The following KLF12 variants were observed in gnomAD, a reference collection of about 807,000 sequenced individuals.
The protein encoded by KLF12 is Krueppel-like factor 12.
Under a neutral mutation model 37.8 loss-of-function variants are expected in KLF12, and 9 were observed. The ratio of observed to expected loss-of-function variants is 0.24; its 90% CI spans 0.14 to 0.42. The LOEUF is 0.42. KLF12 is among the 10% of genes least tolerant of loss of function. The probability of loss-of-function intolerance (pLI) is 1.00; values close to 1 mark genes in which losing one functional copy is unlikely to be tolerated. For synonymous variants in KLF12, 208 were observed against 202.1 expected (o/e 1.03, Z -0.25); for missense variants, 411 against 516.0 (o/e 0.80, Z 1.97).
intron 4 of KLF12, among the ~76,000 whole-genome samples, chr13:73,815,921 T>C (rs1883190342): frequency 6.6e-6 from 1 of 152,248 alleles, no homozygotes; most frequent in Non-Finnish European, 1.5e-5. Context: ...ATGTTATGTT[T>C]GTATCTTAAT....
chr13:73,925,322 C>T (rs1429186272), intron 3 of KLF12, among the ~76,000 whole-genome samples: 1 of 152,148 alleles, frequency 6.6e-6, no homozygotes, highest in African/African-American at 2.4e-5. Flanking sequence ...AAATTGAAGC[C>T]AGTGCACATT....
intron 5 of KLF12, among the ~76,000 whole-genome samples, chr13:73,768,510 CAA>C (rs1416747103): frequency 2.0e-5 from 3 of 151,712 alleles, no homozygotes; most frequent in Non-Finnish European, 4.4e-5. Flanking sequence ...TAATACAAAC[CAA>C]AAACTATGGC....
At chr13:74,279,544 G>A in the KLF12 span, among the ~76,000 whole-genome samples, 2 of 146,832 alleles carry the variant, frequency 1.4e-5, no homozygotes, top group African/African-American at 2.5e-5. Flanking sequence ...AGTCATAAGT[G>A]CTCTTTGAGG....
chr13:73,972,800 T>C (rs566097831), intron 2 of KLF12, among the ~76,000 whole-genome samples: 1 of 151,436 alleles, frequency 6.6e-6, no homozygotes, highest in South Asian at 2.1e-4. Flanking sequence ...TGTGTGTGTT[T>C]TGCCCGTGTG....
the KLF12 span, among the ~76,000 whole-genome samples, chr13:74,182,394 A>G: frequency 6.6e-6 from 1 of 152,238 alleles, no homozygotes; most frequent in African/African-American, 2.4e-5. Flanking sequence ...ATTAGAGGAC[A>G]AACTGATTGC....
At chr13:74,053,974 A>G (rs995869160) in intron 1 of KLF12, among the ~76,000 whole-genome samples, 2 of 152,166 alleles carry the variant, frequency 1.3e-5, no homozygotes, top group Non-Finnish European at 2.9e-5. Flanking sequence ...ATTTAGAGGC[A>G]TATTTCTTAG....
chr13:74,264,227 C>T, the KLF12 span, among the ~76,000 whole-genome samples: 1 of 152,112 alleles, frequency 6.6e-6, no homozygotes, highest in Non-Finnish European at 1.5e-5. Context: ...GTGTGAGGGG[C>T]TGCTGTTAGA....
At chr13:73,741,145 C>G (rs1426524366) in intron 6 of KLF12, among the ~76,000 whole-genome samples, 1 of 152,122 alleles carries the variant, frequency 6.6e-6, no homozygotes, top group Non-Finnish European at 1.5e-5. Context: ...TACAATTCAT[C>G]CTGACAATGT....
chr13:73,995,504 A>G (rs7987699), intron 1 of KLF12, among the ~76,000 whole-genome samples: 11,264 of 152,238 alleles, frequency 0.074, 628 homozygotes, highest in African/African-American at 0.16. Flanking sequence ...AAGTAATGTC[A>G]TTTCATTGGG....
At chr13:74,218,675 C>T in the KLF12 span, among the ~76,000 whole-genome samples, 9 of 152,130 alleles carry the variant, frequency 5.9e-5, no homozygotes, top group Admixed American at 5.2e-4. Context: ...TTGACCTACA[C>T]AGGAAACAAA....
At chr13:74,202,144 G>A in the KLF12 span, among the ~76,000 whole-genome samples, 1 of 152,118 alleles carries the variant, frequency 6.6e-6, no homozygotes, top group African/African-American at 2.4e-5. Context: ...AGATCTTAAA[G>A]GTCTTTTGTA....
intron 3 of KLF12, among the ~76,000 whole-genome samples, chr13:73,921,029 G>C (rs1252717748): frequency 7.9e-5 from 12 of 152,086 alleles, no homozygotes. Context: ...TAGGAAAGGA[G>C]AGAGAGCAGA....
rs1343300502 is a variant in KLF12, at chr13:73,695,156, T to C, written c.*334A>G. ...CCATCAATTTGTGGTAGGTGACCTT[T>C]AAGGTATCAATAACAAAATGTCTGA... On this transcript the variant is annotated 3_prime_UTR_variant, in exon 8 of 8. Transcript: ENST00000377669. 8.0e-6 allele frequency: 2 copies of C among 251,016 alleles called. No individual in the cohort carries two copies. Among genetic ancestry groups the C allele is most frequent in the Non-Finnish European group, 1.5e-5 (2 of 129,612 alleles). The allele number at this position is 251,016 out of a possible 1,614,324, so 15.5% of individuals were successfully genotyped here.
At chr13:73,824,209 C>T (rs1348678077) in intron 4 of KLF12, among the ~76,000 whole-genome samples, 1 of 152,084 alleles carries the variant, frequency 6.6e-6, no homozygotes, top group South Asian at 2.1e-4. Context: ...TTTCCACCCA[C>T]ACTTCACAAG....
At chr13:74,016,458 C>T (rs1372206580) in intron 1 of KLF12, among the ~76,000 whole-genome samples, 11 of 152,208 alleles carry the variant, frequency 7.2e-5, no homozygotes, top group Admixed American at 5.9e-4. Flanking sequence ...AACTCCTGGG[C>T]TCAAGCCATC....
chr13:74,217,828 T>C, the KLF12 span, among the ~76,000 whole-genome samples: 2 of 152,248 alleles, frequency 1.3e-5, no homozygotes, highest in South Asian at 2.1e-4. Flanking sequence ...TGTATTCATA[T>C]GCTAGATATT....
At chr13:73,897,304 C>T (rs2139059704) in intron 3 of KLF12, among the ~76,000 whole-genome samples, 1 of 152,258 alleles carries the variant, frequency 6.6e-6, no homozygotes, top group South Asian at 2.1e-4. Flanking sequence ...AATGAACTAA[C>T]AGCTTTGGTA....
At chr13:74,300,227 A>AT in the KLF12 span, among the ~76,000 whole-genome samples, 1 of 150,296 alleles carries the variant, frequency 6.7e-6, no homozygotes, top group East Asian at 2.0e-4. Context: ...ATCCTTGATA[A>AT]TAAAAAAAAG....
At chr13:74,214,505 C>T in the KLF12 span, among the ~76,000 whole-genome samples, 23 of 152,262 alleles carry the variant, frequency 1.5e-4, no homozygotes, top group East Asian at 4.4e-3. Flanking sequence ...GATAGTTTGA[C>T]ATTGATTGAT....
Sources: gnomAD v4.1 joint callset for allele counts (sites outside exome capture counted in the v4.1 genomes callset) on GRCh38, gnomAD v4.1.1 for gene constraint, MANE v1.5 for transcripts, NCBI Gene and HGNC (gene_info 2026-07-23, HGNC 2026-07-21) for gene names.